The following TDRKH variants were observed in gnomAD, a reference collection of about 807,000 sequenced individuals.
TDRKH encodes the protein tudor and KH domain containing.
Under a neutral mutation model 61.3 loss-of-function variants are expected in TDRKH, and 28 were observed. That is an observed-to-expected ratio of 0.46 (90% confidence interval 0.34 to 0.63). The LOEUF is 0.63. Ranked by LOEUF, TDRKH falls within the 20% of genes least tolerant of loss-of-function variation. The pLI is 0.01. For synonymous variants in TDRKH, 219 were observed against 244.4 expected (o/e 0.90, Z 0.97); for missense variants, 540 against 683.4 (o/e 0.79, Z 2.34).
At chr1:151,769,522 G>A (rs373748023), downstream of TDRKH, 157 of 188,762 alleles carry the variant, frequency 8.3e-4, 3 homozygotes, top group East Asian at 0.014. Context: ...GGTCGTGGCC[G>A]GGTAGAGGCG....
In TDRKH at chr1:151,774,368, C is replaced by G; in HGVS notation, c.*84G>C. ...TCAAAGCAAGTGCCCCACTGTCGCC[C>G]TCATTACTTTCCTGTTGCTACAGAT... On this transcript the variant is annotated 3_prime_UTR_variant, in exon 13 of 13. Transcript: ENST00000368824. 1 of 1,477,008 alleles carries G rather than the reference C, an allele frequency of 6.8e-7. No individual in the cohort carries two copies. Among genetic ancestry groups the G allele is most frequent in the Non-Finnish European group, 9.4e-7 (1 of 1,069,014 alleles). 91.5% of individuals were successfully genotyped at this position (1,477,008 alleles called of 1,614,324 possible).
At chr1:151,775,194 T>C in intron 10 of TDRKH, 28 bp from the exon 11 acceptor site, 1 of 1,612,248 alleles carries the variant, frequency 6.2e-7, no homozygotes, top group South Asian at 1.1e-5. Flanking sequence ...AAGGGAATGA[T>C]GTTCTCTCAG....
At chr1:151,787,311 C>T (rs906985794) in intron 1 of TDRKH, among the ~76,000 whole-genome samples, 4 of 152,136 alleles carry the variant, frequency 2.6e-5, no homozygotes, top group Admixed American at 1.3e-4. Flanking sequence ...CTCTGCCTCC[C>T]GGGTTCAAGC....
rs372144473 is a variant in TDRKH at position 151,775,834 on chromosome 1, C to T, written c.1268G>A (p.Arg423Gln). The change falls in exon 9 of 13, where the codon CGG becomes CAG. Residue 423 changes from arginine to glutamine, a missense_variant. This residue lies in a region of TDRKH where 379 missense variants were observed against 443.8 expected (regional missense o/e 0.85). Transcript: ENST00000368824. ...GACCAATTTACCTGAGGGAGCAATC[C>T]GTGCCAGACTACATTCTATTGCTTG... Reference protein sequence around the residue: ...PFQAIECSLARIAPSGDQWEE... With the variant: ...PFQAIECSLAQIAPSGDQWEE... 5.0e-6 allele frequency: 8 copies of T among 1,613,454 alleles called. No individual in the cohort carries two copies. The highest frequency in any genetic ancestry group is 1.1e-5 in the South Asian group (1 of 91,050).
intron 1 of TDRKH, among the ~76,000 whole-genome samples, chr1:151,787,255 G>C (rs1470538084): frequency 1.3e-5 from 2 of 152,186 alleles, no homozygotes; most frequent in African/African-American, 4.8e-5. Context: ...GTCTCACTCT[G>C]TTGCCCAGGC....
chr1:151,782,984 G>A lies in TDRKH; in HGVS notation c.39C>T (p.Thr13=), dbSNP rs1649983296. 4 of 1,613,744 alleles carry A rather than the reference G, an allele frequency of 2.5e-6. No individual in the cohort carries two copies. Among genetic ancestry groups the A allele is most frequent in the Non-Finnish European group, 3.4e-6 (4 of 1,179,930 alleles). Reference sequence around the variant, plus strand: ...CAAGGCCCAGGGCTATTTTCTGAATGGTGGACAGGCTTGTCCAAGAAGTCC... The same window carrying A: ...CAAGGCCCAGGGCTATTTTCTGAATAGTGGACAGGCTTGTCCAAGAAGTCC... ...TERTSWTSLS[T]IQKIALGLGI... The change falls in exon 2 of 13, where the codon ACC becomes ACT. Residue 13 remains threonine (T), a synonymous_variant. Transcript: ENST00000368824.
downstream of TDRKH, chr1:151,770,064 G>C: frequency 6.4e-7 from 1 of 1,568,760 alleles, no homozygotes; most frequent in Non-Finnish European, 8.7e-7. Context: ...TGGCATCAGA[G>C]GGAGACCGTG....
rs749172009 is a variant in TDRKH at position 151,778,669 on chromosome 1, C to G, written c.883+16G>C. ...TCTATCTTCAATGATTAATGGGCTC[C>G]CTCTTTGTTACATACTTTCAAACAT... On this transcript the variant is annotated intron_variant, in intron 6 of 12. Coordinates refer to ENST00000368824, the MANE Select transcript of TDRKH (RefSeq NM_001083965.2). 30 of 1,609,062 alleles carry G rather than the reference C, an allele frequency of 1.9e-5. No individual in the cohort carries two copies. The highest frequency in any genetic ancestry group is 2.4e-5 in the Non-Finnish European group (28 of 1,177,776).
intron 1 of TDRKH, among the ~76,000 whole-genome samples, chr1:151,784,522 G>A (rs531290952): frequency 6.6e-6 from 1 of 152,250 alleles, no homozygotes; most frequent in South Asian, 2.1e-4. Flanking sequence ...CATCTTACCA[G>A]ATGTCCCCAC....
Position 151,781,328 on chromosome 1 carries a change from A to AT in TDRKH, c.231+152_231+153insA, listed in dbSNP as rs1553282748. ...GCGAAACTCCATCTCAAAAAAAAAA[A>AT]ATATATATATATATATTTTATATAT... On this transcript the variant is annotated intron_variant, in intron 3 of 12. Coordinates refer to ENST00000368824, the MANE Select transcript of TDRKH (RefSeq NM_001083965.2). Among the ~76,000 whole-genome samples the AT allele has an allele frequency of 5.7e-4, 39 of 68,590 alleles. 3 individuals carry two copies. In the South Asian group the frequency reaches 0.014, roughly 25 times the overall value. The allele number at this position is 68,590 out of a possible 152,430, so 45.0% of individuals were successfully genotyped here.
Position 151,789,877 on chromosome 1 carries a change from G to T in TDRKH, c.-28+503C>A, listed in dbSNP as rs1650738077. On this transcript the variant is annotated intron_variant, in intron 1 of 12. Coordinates refer to ENST00000368824, the MANE Select transcript of TDRKH (RefSeq NM_001083965.2). ...ACCCCTTTCTCTCAAAACAAGGAAA[G>T]GGTCTAAAAGTCAGTCTTTGAAATA... Among the ~76,000 whole-genome samples, 4 of 152,186 alleles carry T rather than the reference G, an allele frequency of 2.6e-5. No homozygotes were observed. The South Asian group carries it at 8.3e-4, about 32-fold the overall frequency.
chr1:151,771,383 GAT>G, downstream of TDRKH: 3 of 1,384,536 alleles, frequency 2.2e-6, no homozygotes, highest in Middle Eastern at 2.6e-4. Context: ...ACTGGAGTGG[GAT>G]ATACACCTTA....
intron 7 of TDRKH, 66 bp from the exon 8 acceptor site, chr1:151,776,334 G>GGAGGAAGAA: frequency 6.3e-7 from 1 of 1,595,028 alleles, no homozygotes. Context: ...CAGAATTGCA[G>GGAGGAAGAA]GAGGAAGAAA....
At chr1:151,779,032 T>G in intron 5 of TDRKH, 26 bp from the exon 6 acceptor site, 2 of 1,612,316 alleles carry the variant, frequency 1.2e-6, no homozygotes, top group Non-Finnish European at 1.7e-6. Flanking sequence ...GAAAGGATGA[T>G]ATTCTGACCT....
At chr1:151,770,002 A>G, downstream of TDRKH, 1 of 1,037,652 alleles carries the variant, frequency 9.6e-7, no homozygotes, top group South Asian at 1.4e-5. Flanking sequence ...GGGAGGTTGC[A>G]GTGAGCCGAG....
At chr1:151,785,417 G>T (rs1051473818) in intron 1 of TDRKH, among the ~76,000 whole-genome samples, 1 of 152,052 alleles carries the variant, frequency 6.6e-6, no homozygotes, top group Non-Finnish European at 1.5e-5. Flanking sequence ...GCTTAATTAC[G>T]TTCCTGCCTT....
In TDRKH at chr1:151,774,809, G is replaced by A. The variant is rs1230180942; in HGVS notation, c.1537-3C>T. The A allele has an allele frequency of 2.5e-6, 4 of 1,613,958 alleles. No individual in the cohort carries two copies. The highest frequency in any genetic ancestry group is 3.4e-6 in the Non-Finnish European group (4 of 1,179,968). On this transcript the variant is annotated splice_polypyrimidine_tract_variant and splice_region_variant and intron_variant, in intron 11 of 12. Coordinates refer to ENST00000368824, the MANE Select transcript of TDRKH (RefSeq NM_001083965.2). ...AGAGAGGCATCTGTTTCTGTGGCCT[G>A]AGTGGATGAAAACAGGAAAAAAGGA...
At chr1:151,787,408 A>G (rs1217691800) in intron 1 of TDRKH, among the ~76,000 whole-genome samples, 1 of 152,062 alleles carries the variant, frequency 6.6e-6, no homozygotes, top group Non-Finnish European at 1.5e-5. Flanking sequence ...TAGTAGAGAC[A>G]GGGTTTCACC....
At position 151,776,281 on chromosome 1, in the gene TDRKH, A is replaced by T; in HGVS notation, c.1045-13T>A. 2 of 1,611,050 alleles carry T rather than the reference A, an allele frequency of 1.2e-6. No individual in the cohort carries two copies. Among genetic ancestry groups the T allele is most frequent in the Non-Finnish European group, 1.7e-6 (2 of 1,178,114 alleles). ...TCAAGTCTTCAGGCTGTATGTGGGG[A>T]GGAGGAGAAAGGCAGAGAGTTACAA... is the stretch of plus-strand genomic sequence containing the variant. On this transcript the variant is annotated splice_polypyrimidine_tract_variant and intron_variant, in intron 7 of 12. Transcript: ENST00000368824.
Sources: gnomAD v4.1 joint callset for allele counts (sites outside exome capture counted in the v4.1 genomes callset) on GRCh38, gnomAD v4.1.1 for gene constraint, gnomAD v4.1.1 regional missense constraint, MANE v1.5 for transcripts, NCBI Gene and HGNC (gene_info 2026-07-23, HGNC 2026-07-21) for gene names.